Variants in PRICKLE1 observed in about 807,000 individuals in gnomAD.
PRICKLE1 encodes the protein prickle planar cell polarity protein 1.
A neutral mutation model predicts 70.2 loss-of-function variants in PRICKLE1; 14 were observed. That is an observed-to-expected ratio of 0.20 (90% CI 0.13 to 0.31). The LOEUF is 0.31. Among genes scored for constraint, PRICKLE1 ranks in the 10% least tolerant of loss-of-function variants. The pLI, the probability that PRICKLE1 is intolerant of heterozygous loss-of-function variation, is 1.00. For synonymous variants in PRICKLE1, 357 were observed against 379.9 expected (o/e 0.94, Z 0.70); for missense variants, 821 against 1,026.2 (o/e 0.80, Z 2.73).
chr12:42,468,256 C>T (rs1355701684), intron 5 of PRICKLE1, among the ~76,000 whole-genome samples: 1 of 152,166 alleles, frequency 6.6e-6, no homozygotes, highest in African/African-American at 2.4e-5. Flanking sequence ...TAAACAAATA[C>T]ATATATCATA....
At chr12:42,487,443 C>T (rs1939009421) in intron 1 of PRICKLE1, among the ~76,000 whole-genome samples, 1 of 152,112 alleles carries the variant, frequency 6.6e-6, no homozygotes, top group South Asian at 2.1e-4. Context: ...GATTAGAGAG[C>T]ACTGGTTCTT....
chr12:42,518,783 A>G (rs992533863), intron 1 of PRICKLE1, among the ~76,000 whole-genome samples: 1 of 152,258 alleles, frequency 6.6e-6, no homozygotes, highest in Admixed American at 6.5e-5. Flanking sequence ...TGATTGGTGC[A>G]GGAGTAATAC....
rs112727571 is a variant in PRICKLE1, at chr12:42,477,390, A to AACAAAAT, written c.-48-4827_-48-4826insATTTTGT. Among the ~76,000 whole-genome samples, 1,104 of 145,266 alleles carry AACAAAAT rather than the reference A, an allele frequency of 7.6e-3. 18 individuals are homozygous for AACAAAAT. The highest frequency in any genetic ancestry group is 0.026 in the African/African-American group (1,045 of 39,530). Reference sequence around the variant, plus strand: ...TCTGTCTCAAAACAAAACAAAACAAAATATATATATATACACATATTATAT... The same window carrying AACAAAAT: ...TCTGTCTCAAAACAAAACAAAACAAAACAAAATATATATATATATACACATATTATAT... On this transcript the variant is annotated intron_variant, in intron 1 of 7. Transcript: ENST00000345127.
At chr12:42,585,429 T>A (rs7972689) in intron 1 of PRICKLE1, among the ~76,000 whole-genome samples, 150,713 of 152,234 alleles carry the variant, frequency 0.99, 74,626 homozygotes, top group Middle Eastern at 1. Context: ...TGCATAAAAC[T>A]GAGACACAGG....
intron 2 of PRICKLE1, 137 bp downstream of exon 2, chr12:42,472,248 A>T: frequency 9.8e-7 from 1 of 1,017,580 alleles, no homozygotes; most frequent in Non-Finnish European, 1.5e-6. Context: ...CTTCAAAGCC[A>T]TACAAAGAAG....
chr12:42,587,757 C>A (rs1179767052), intron 1 of PRICKLE1, among the ~76,000 whole-genome samples: 1 of 152,230 alleles, frequency 6.6e-6, no homozygotes, highest in Non-Finnish European at 1.5e-5. Flanking sequence ...CCAGGCTCCA[C>A]CAGACAGCAA....
At chr12:42,472,866 A>G (rs1417669120) in intron 1 of PRICKLE1, among the ~76,000 whole-genome samples, 1 of 152,238 alleles carries the variant, frequency 6.6e-6, no homozygotes, top group Non-Finnish European at 1.5e-5. Flanking sequence ...AGTTCTCAAG[A>G]AAGTTGATGT....
chr12:42,503,372 A>C (rs886681568), intron 1 of PRICKLE1, among the ~76,000 whole-genome samples: 1 of 152,202 alleles, frequency 6.6e-6, no homozygotes, highest in Non-Finnish European at 1.5e-5. Context: ...GAGCATGTCC[A>C]GACTTCCCGC....
At chr12:42,488,560 C>T (rs1282836432) in intron 1 of PRICKLE1, among the ~76,000 whole-genome samples, 1 of 152,208 alleles carries the variant, frequency 6.6e-6, no homozygotes, top group Non-Finnish European at 1.5e-5. Flanking sequence ...GCAACCCTCT[C>T]AACACCTGTC....
intron 1 of PRICKLE1, chr12:42,489,655 TC>T (rs1180465173): frequency 1.1e-4 from 8 of 72,568 alleles, no homozygotes; most frequent in African/African-American, 4.6e-4. Flanking sequence ...GCGAGACTTC[TC>T]TAAAAAAAAA....
At chr12:42,561,277 CAATAG>C (rs1297184494) in intron 1 of PRICKLE1, among the ~76,000 whole-genome samples, 1 of 152,172 alleles carries the variant, frequency 6.6e-6, no homozygotes, top group African/African-American at 2.4e-5. Context: ...AAAAATAACA[CAATAG>C]AAAAGTAGCA....
chr12:42,506,692 A>C (rs530984569), intron 1 of PRICKLE1, among the ~76,000 whole-genome samples: 4 of 140,652 alleles, frequency 2.8e-5, no homozygotes, highest in African/African-American at 1.1e-4. Flanking sequence ...TCTCTACCTC[A>C]GCCCTGAGCA....
Position 42,581,773 on chromosome 12 carries a change from A to G in PRICKLE1, c.-49+7692T>C, listed in dbSNP as rs1226595620. 2.6e-5 allele frequency among the ~76,000 whole-genome samples: 4 copies of G among 152,028 alleles called. No homozygotes were observed. In the East Asian group the frequency reaches 7.7e-4, roughly 29 times the overall value. ...AAAAAAAAAAAAAAGTTATGGAACT[A>G]AAGCAAAGAAGCCAGTGTCCACAGG... is the stretch of plus-strand genomic sequence containing the variant. On this transcript the variant is annotated intron_variant, in intron 1 of 7. Transcript: ENST00000345127.
Position 42,572,435 on chromosome 12 carries a change from TTAAATAAA to T in PRICKLE1, c.-49+17022_-49+17029del, listed in dbSNP as rs35565532. 2.6e-3 allele frequency among the ~76,000 whole-genome samples: 388 copies of T among 147,680 alleles called. 2 individuals carry two copies. The highest frequency in any genetic ancestry group is 5.4e-3 in the East Asian group (26 of 4,804). On this transcript the variant is annotated intron_variant, in intron 1 of 7. Transcript: ENST00000345127. The stretch of plus-strand genomic sequence containing the variant: ...TGGGTGACAAGAGCAAAACTCTGTC[TTAAATAAA>T]TAAATAAATAAATAAATAAATAAAT...
intron 1 of PRICKLE1, among the ~76,000 whole-genome samples, chr12:42,529,649 C>T (rs1255959323): frequency 6.6e-6 from 1 of 152,156 alleles, no homozygotes; most frequent in African/African-American, 2.4e-5. Context: ...AATCCCAGCA[C>T]TTTGGGAGGC....
At chr12:42,478,633 A>G (rs753361462) in intron 1 of PRICKLE1, among the ~76,000 whole-genome samples, 7 of 152,190 alleles carry the variant, frequency 4.6e-5, no homozygotes, top group Non-Finnish European at 1.0e-4. Flanking sequence ...ATCAGAGTCA[A>G]GTAGAGAAAT....
intron 1 of PRICKLE1, among the ~76,000 whole-genome samples, chr12:42,539,000 T>C (rs1169073660): frequency 6.6e-6 from 1 of 152,232 alleles, no homozygotes; most frequent in African/African-American, 2.4e-5. Context: ...GTTTAGCAGA[T>C]TTAAAATGAA....
intron 1 of PRICKLE1, among the ~76,000 whole-genome samples, chr12:42,556,269 T>C (rs1309349337): frequency 2.6e-5 from 4 of 152,206 alleles, no homozygotes; most frequent in African/African-American, 9.7e-5. Flanking sequence ...CCTCAAATGT[T>C]TGTGAGGCCA....
chr12:42,540,757 C>T (rs1182195287), intron 1 of PRICKLE1, among the ~76,000 whole-genome samples: 1 of 152,070 alleles, frequency 6.6e-6, no homozygotes, highest in African/African-American at 2.4e-5. Context: ...GATAGGGTTT[C>T]ACTATGTTGG....
Sources: allele counts gnomAD v4.1 joint callset (sites outside exome capture counted in the v4.1 genomes callset), GRCh38; gene constraint gnomAD v4.1.1; transcripts MANE v1.5; gene names NCBI Gene and HGNC (gene_info 2026-07-23, HGNC 2026-07-21).